CACNA1C: variants seen among roughly 807,000 people sequenced by gnomAD.
CACNA1C encodes calcium voltage-gated channel subunit alpha1 C.
Under a neutral mutation model 229.0 loss-of-function variants are expected in CACNA1C, and 30 were observed. The observed-to-expected ratio is 0.13, with a 90% CI of 0.10 to 0.18. The LOEUF is 0.18. Among genes scored for constraint, CACNA1C ranks in the 10% least tolerant of loss-of-function variants. The pLI is 1.00. For missense variants in CACNA1C, 1,658 were observed against 2,845.0 expected (o/e 0.58, Z 9.49); for synonymous variants, 1,114 against 1,132.5 (o/e 0.98, Z 0.33).
rs5795996 is a variant in CACNA1C, at chr12:2,211,714, CTTT to C, written c.477+91303_477+91305del. Among the ~76,000 whole-genome samples, 482 of 115,480 alleles carry C rather than the reference CTTT, an allele frequency of 4.2e-3. 2 individuals are homozygous for C. The highest frequency in any genetic ancestry group is 0.018 in the African/African-American group (463 of 26,422). 75.8% of individuals were successfully genotyped at this position (115,480 alleles called of 152,430 possible). ...CTTTCACCTGTTACTCTTTCTGCTG[CTTT>C]TTTTTTTTTTTTTTTTTTGAGACAG... On this transcript the variant is annotated intron_variant, in intron 3 of 46. Transcript: ENST00000399655.
intron 1 of CACNA1C, chr12:1,993,155 C>T (rs758850942): frequency 1.4e-6 from 2 of 1,417,450 alleles, no homozygotes; most frequent in Admixed American, 3.3e-5. Flanking sequence ...GCTGACACCC[C>T]CCATAGCCAC....
intron 19 of CACNA1C, among the ~76,000 whole-genome samples, chr12:2,593,650 C>T (rs551117977): frequency 6.6e-6 from 1 of 152,332 alleles, no homozygotes; most frequent in East Asian, 1.9e-4. Flanking sequence ...AGAACCTCCT[C>T]CTGTATAATA....
At position 2,688,559 on chromosome 12, in the gene CACNA1C, C is replaced by A; in HGVS notation, c.5897C>A (p.Pro1966Gln). The change falls in exon 46 of 47, where the codon CCA (proline) becomes CAA (glutamine). Residue 1966 changes from proline to glutamine, a missense_variant. By Grantham distance (76) the Pro-to-Gln change is moderately conservative. Around this residue, in one of 20 missense-constraint regions of CACNA1C, gnomAD observed 590 missense variants for 700.8 expected, o/e 0.84. Transcript: ENST00000399655. ...ACACCTGGCAGCCGAGGCTGGCCCC[C>A]ACAGCCCGTCCCCACCCTGCGGCTT... The part of the protein sequence containing the change: ...PATPGSRGWP[P>Q]QPVPTLRLEG... 1.9e-6 allele frequency: 3 copies of A among 1,614,032 alleles called. No homozygotes were observed. The highest frequency in any genetic ancestry group is 1.7e-6 in the Non-Finnish European group (2 of 1,179,896).
At chr12:2,192,190 T>C (rs536235604) in intron 3 of CACNA1C, among the ~76,000 whole-genome samples, 2 of 152,320 alleles carry the variant, frequency 1.3e-5, no homozygotes, top group Non-Finnish European at 2.9e-5. Flanking sequence ...ATCACAGTAA[T>C]GTGAATGTTG....
At chr12:2,370,258 A>G (rs1041636610) in intron 3 of CACNA1C, among the ~76,000 whole-genome samples, 9 of 152,256 alleles carry the variant, frequency 5.9e-5, no homozygotes, top group African/African-American at 2.2e-4. Flanking sequence ...TGATAGAAAT[A>G]GAAAAAAGTT....
intron 4 of CACNA1C, 47 bp from the exon 5 acceptor site, chr12:2,457,520 A>G: frequency 1.9e-6 from 3 of 1,582,410 alleles, no homozygotes; most frequent in Non-Finnish European, 8.6e-7. Flanking sequence ...CAGCTGGGCA[A>G]AAGAAAACCC....
At chr12:2,399,338 G>A (rs190363977) in intron 3 of CACNA1C, among the ~76,000 whole-genome samples, 11 of 152,314 alleles carry the variant, frequency 7.2e-5, no homozygotes, top group South Asian at 6.2e-4. Context: ...TGTCCTCTTG[G>A]TGCCTGGGTT....
intron 30 of CACNA1C, among the ~76,000 whole-genome samples, chr12:2,642,964 C>T (rs1352869743): frequency 6.6e-6 from 1 of 152,236 alleles, no homozygotes; most frequent in Non-Finnish European, 1.5e-5. Flanking sequence ...TCAGCCACTT[C>T]CAGCCAGCAA....
In CACNA1C at chr12:2,647,135, C is replaced by G. The variant is rs1177614242; in HGVS notation, c.3913-1340C>G. Reference sequence around the variant, plus strand: ...AGCAAATGTCTAGTTGTGCACATTTCCATCCTTCAAAAATTCCATAACACA... The same window carrying G: ...AGCAAATGTCTAGTTGTGCACATTTGCATCCTTCAAAAATTCCATAACACA... On this transcript the variant is annotated intron_variant, in intron 30 of 46. Transcript: ENST00000399655. The surrounding 1 kb of genome is among the most constrained non-coding windows in gnomAD (Gnocchi z 4.2). Among the ~76,000 whole-genome samples the G allele has an allele frequency of 6.6e-6, 1 of 152,214 alleles. No homozygotes were observed. Among genetic ancestry groups the G allele is most frequent in the African/African-American group, 2.4e-5 (1 of 41,446 alleles).
intron 5 of CACNA1C, among the ~76,000 whole-genome samples, chr12:2,484,210 T>C (rs930938821): frequency 3.3e-5 from 5 of 151,874 alleles, no homozygotes; most frequent in African/African-American, 1.2e-4. Flanking sequence ...GGTCTGGGAG[T>C]TGCGTGATGA....
intron 1 of CACNA1C, among the ~76,000 whole-genome samples, chr12:2,016,158 C>T (rs756259190): frequency 6.6e-6 from 1 of 152,122 alleles, no homozygotes; most frequent in Non-Finnish European, 1.5e-5. Flanking sequence ...TCGGTGTCTC[C>T]TGGTTGAAAT....
At chr12:2,398,027 G>T (rs1382828747) in intron 3 of CACNA1C, among the ~76,000 whole-genome samples, 2 of 152,240 alleles carry the variant, frequency 1.3e-5, no homozygotes, top group Admixed American at 1.3e-4. Context: ...CTGGCCCGAG[G>T]GCAGGCCCAG....
intron 3 of CACNA1C, among the ~76,000 whole-genome samples, chr12:2,345,835 G>A (rs964844813): frequency 4.6e-5 from 7 of 152,118 alleles, no homozygotes; most frequent in Non-Finnish European, 1.0e-4. Flanking sequence ...ATGGAGTATG[G>A]TGAGATGTTT....
intron 1 of CACNA1C, among the ~76,000 whole-genome samples, chr12:2,025,259 C>G (rs1194442423): frequency 6.6e-6 from 1 of 152,192 alleles, no homozygotes; most frequent in African/African-American, 2.4e-5. Context: ...GAGACATGTT[C>G]CATGGTTCTG....
intron 3 of CACNA1C, among the ~76,000 whole-genome samples, chr12:2,133,970 CT>C (rs2092812251): frequency 2.8e-5 from 3 of 108,596 alleles, no homozygotes; most frequent in Admixed American, 1.0e-4. Flanking sequence ...TCAGGACTTG[CT>C]TTATGAATCT....
At chr12:2,194,394 C>T (rs543213756) in intron 3 of CACNA1C, among the ~76,000 whole-genome samples, 3 of 147,422 alleles carry the variant, frequency 2.0e-5, no homozygotes, top group South Asian at 2.3e-4. Flanking sequence ...TGCTCCCCCT[C>T]CTCTTCCTGA....
In CACNA1C at chr12:2,647,877, C is replaced by T. The variant is rs2094511104; in HGVS notation, c.3913-598C>T. Among the ~76,000 whole-genome samples, 1 of 152,212 alleles carries T rather than the reference C, an allele frequency of 6.6e-6. No homozygotes were observed. The highest frequency in any genetic ancestry group is 1.5e-5 in the Non-Finnish European group (1 of 68,034). ...GTGGCTTACACCGGTAATCCCAGTA[C>T]TTTGGGAGGCCAAGGCAGGAGGATC... On this transcript the variant is annotated intron_variant, in intron 30 of 46. Coordinates refer to ENST00000399655, the MANE Select transcript of CACNA1C (RefSeq NM_000719.7). This position sits in a 1 kb window ranked among gnomAD's most constrained non-coding sequence, Gnocchi z 4.2.
intron 3 of CACNA1C, among the ~76,000 whole-genome samples, chr12:2,260,347 G>A (rs567932209): frequency 2.0e-5 from 3 of 151,848 alleles, no homozygotes; most frequent in East Asian, 3.9e-4. Flanking sequence ...ATAATGCCAC[G>A]TGCCTGTAGT....
At position 2,457,616 on chromosome 12, in the gene CACNA1C, G is replaced by A. The variant is rs895264486; in HGVS notation, c.667G>A (p.Ala223Thr). The A allele has an allele frequency of 4.3e-6, 7 of 1,613,324 alleles. No individual in the cohort carries two copies. Among genetic ancestry groups the A allele is most frequent in the East Asian group, 2.2e-5 (1 of 44,852 alleles). The change falls in exon 5 of 47, where the codon GCT becomes ACT. Residue 223 changes from alanine (A) to threonine (T), a missense_variant. This residue lies in a region of CACNA1C where 89 missense variants were observed against 177.8 expected (regional missense o/e 0.50). Transcript: ENST00000399655. ...AGCAACCAAAGCAGATGGGGCAAAC[G>A]CTCTCGGAGGGAAAGGGGCCGGATT... The part of the protein sequence containing the change: ...EQATKADGAN[A>T]LGGKGAGFDV...
Sources: gnomAD v4.1 joint callset for allele counts (sites outside exome capture counted in the v4.1 genomes callset) on GRCh38, gnomAD v4.1.1 for gene constraint, gnomAD v4.1.1 regional missense constraint, Gnocchi (gnomAD v3.1) non-coding constraint, MANE v1.5 for transcripts, NCBI Gene and HGNC (gene_info 2026-07-23, HGNC 2026-07-21) for gene names.